The following AZI2 variants were observed in gnomAD, a reference collection of about 807,000 sequenced individuals.
AZI2 encodes the protein 5-azacytidine-induced protein 2.
Under a neutral mutation model 45.8 loss-of-function variants are expected in AZI2, and 22 were observed. The observed-to-expected ratio is 0.48, with a 90% CI of 0.34 to 0.69. AZI2 has a LOEUF of 0.69. Among genes scored for constraint, AZI2 ranks in the 30% least tolerant of loss-of-function variants. The pLI, the probability that AZI2 is intolerant of heterozygous loss-of-function variation, is 0.01. For synonymous variants in AZI2, 137 were observed against 156.7 expected (o/e 0.87, Z 0.94); for missense variants, 417 against 441.5 (o/e 0.94, Z 0.50).
chr3:28,335,522 G>A (rs1462760672), intron 5 of AZI2, among the ~76,000 whole-genome samples: 1 of 151,940 alleles, frequency 6.6e-6, no homozygotes, highest in Non-Finnish European at 1.5e-5. Flanking sequence ...AACGGGAGTT[G>A]ACAGTAATTT....
Position 28,322,741 on chromosome 3 carries a change from T to C in AZI2, c.*1301A>G, listed in dbSNP as rs1341792113. ...CCAATTCCATTAATCACAGACAAGC[T>C]TGAATAAGTGTAAGATAATAGAAAA... On this transcript the variant is annotated 3_prime_UTR_variant, in exon 8 of 8. Transcript: ENST00000479665. 2.0e-5 allele frequency: 3 copies of C among 151,562 alleles called. No individual in the cohort carries two copies. The highest frequency in any genetic ancestry group is 3.0e-5 in the Non-Finnish European group (2 of 67,392). 9.4% of individuals were successfully genotyped at this position (151,562 alleles called of 1,614,324 possible).
intron 6 of AZI2, chr3:28,331,727 G>A (rs1184651648): frequency 1.4e-6 from 2 of 1,396,178 alleles, no homozygotes; most frequent in African/African-American, 1.4e-5. Context: ...GGGTAACAAT[G>A]TAGAGAGGCT....
At chr3:28,326,085 T>A (rs911004547) in intron 7 of AZI2, among the ~76,000 whole-genome samples, 12 of 151,098 alleles carry the variant, frequency 7.9e-5, no homozygotes, top group African/African-American at 2.7e-4. Flanking sequence ...TATCTCATTT[T>A]TAAAAAGTAA....
chr3:28,345,064 G>A, intron 1 of AZI2, among the ~76,000 whole-genome samples: 1 of 152,112 alleles, frequency 6.6e-6, no homozygotes, highest in East Asian at 1.9e-4. Context: ...CAAAGGTGTG[G>A]ACCACTGCCT....
intron 4 of AZI2, 32 bp downstream of exon 4, chr3:28,337,905 G>T: frequency 1.5e-6 from 2 of 1,319,622 alleles, no homozygotes; most frequent in Non-Finnish European, 2.1e-6. Context: ...TGTTAATTCT[G>T]TTAGAATATT....
chr3:28,340,310 A>G, intron 2 of AZI2, 92 bp downstream of exon 2: 1 of 873,000 alleles, frequency 1.1e-6, no homozygotes, highest in South Asian at 1.8e-5. Context: ...TAGTACAATC[A>G]TGGAAGACAG....
chr3:28,331,717 G>C, intron 6 of AZI2: 9 of 1,364,654 alleles, frequency 6.6e-6, no homozygotes, highest in Non-Finnish European at 7.6e-6. Context: ...ATTGGATGGA[G>C]GGTAACAATG....
intron 1 of AZI2, among the ~76,000 whole-genome samples, chr3:28,345,731 T>G (rs1279855024): frequency 6.6e-6 from 1 of 152,112 alleles, no homozygotes; most frequent in Non-Finnish European, 1.5e-5. Context: ...TAAATTTCAG[T>G]CTTCATCATG....
At chr3:28,329,145 C>T (rs1703489309) in intron 6 of AZI2, among the ~76,000 whole-genome samples, 1 of 151,198 alleles carries the variant, frequency 6.6e-6, no homozygotes. Context: ...CAAATGAGAA[C>T]TCTAAAAACA....
chr3:28,338,674 G>C, intron 2 of AZI2, 59 bp from the exon 3 acceptor site: 1 of 1,486,318 alleles, frequency 6.7e-7, no homozygotes, highest in Non-Finnish European at 9.1e-7. Flanking sequence ...TAAAAAATAA[G>C]TCAGTGTTCT....
At chr3:28,346,912 TATG>T (rs1388902742) in intron 1 of AZI2, among the ~76,000 whole-genome samples, 11 of 152,138 alleles carry the variant, frequency 7.2e-5, no homozygotes, top group Non-Finnish European at 4.4e-5. Flanking sequence ...AGATATACAA[TATG>T]AAGAAAAACT....
intron 1 of AZI2, among the ~76,000 whole-genome samples, chr3:28,347,517 G>C (rs1440688468): frequency 6.6e-6 from 1 of 152,142 alleles, no homozygotes; most frequent in African/African-American, 2.4e-5. Context: ...CTATGCTTTG[G>C]TGCCTTAGAG....
At chr3:28,342,786 G>A (rs1250554540) in intron 1 of AZI2, among the ~76,000 whole-genome samples, 6 of 150,924 alleles carry the variant, frequency 4.0e-5, no homozygotes, top group African/African-American at 9.7e-5. Context: ...AGTCACAGAC[G>A]GCTAGGTAAG....
intron 6 of AZI2, among the ~76,000 whole-genome samples, chr3:28,328,983 C>A (rs181478115): frequency 1.3e-4 from 20 of 151,224 alleles, no homozygotes; most frequent in Non-Finnish European, 2.2e-4. Context: ...TAGATTGTGA[C>A]CTTCCTATCC....
chr3:28,332,121 A>T (rs1273821406), intron 6 of AZI2, among the ~76,000 whole-genome samples: 3 of 151,658 alleles, frequency 2.0e-5, no homozygotes, highest in Non-Finnish European at 4.4e-5. Context: ...CCCTAAAATC[A>T]TACCTAAAAT....
At chr3:28,331,576 T>C in intron 6 of AZI2, 4 of 992,334 alleles carry the variant, frequency 4.0e-6, no homozygotes, top group Non-Finnish European at 4.9e-6. Flanking sequence ...TCAAATTGTT[T>C]TTCCTAATTG....
In AZI2 at chr3:28,323,992, C is replaced by T; in HGVS notation, c.*50G>A. On this transcript the variant is annotated 3_prime_UTR_variant, in exon 8 of 8. Transcript: ENST00000479665. ...TTGTTAAATAATTTCTTGGGAGGAC[C>T]ACTGAAAGAGATAAGTGTCCTCATG... is the stretch of plus-strand genomic sequence containing the variant. The T allele has an allele frequency of 1.3e-6, 2 of 1,512,248 alleles. No individual in the cohort carries two copies. Among genetic ancestry groups the T allele is most frequent in the Non-Finnish European group, 1.8e-6 (2 of 1,119,050 alleles). The allele number at this position is 1,512,248 out of a possible 1,614,324, so 93.7% of individuals were successfully genotyped here.
At chr3:28,340,272 G>A (rs952830045) in intron 2 of AZI2, 130 bp downstream of exon 2, 1 of 646,524 alleles carries the variant, frequency 1.5e-6, no homozygotes, top group East Asian at 2.8e-5. Context: ...AGAGTTTTCA[G>A]ATTAGCAGTG....
chr3:28,326,972 A>T, intron 6 of AZI2, 22 bp from the exon 7 acceptor site: 1 of 1,512,128 alleles, frequency 6.6e-7, no homozygotes, highest in Non-Finnish European at 9.1e-7. Context: ...TTTTTTACAA[A>T]AAGTTAATAC....
Sources: gnomAD v4.1 joint callset for allele counts (sites outside exome capture counted in the v4.1 genomes callset) on GRCh38, gnomAD v4.1.1 for gene constraint, MANE v1.5 for transcripts, NCBI Gene and HGNC (gene_info 2026-07-23, HGNC 2026-07-21) for gene names.